Variants in REEP1 observed in about 807,000 individuals in gnomAD.
REEP1 encodes the protein receptor expression-enhancing protein 1.
REEP1 carries 22 observed loss-of-function variants against 40.3 expected under a neutral mutation model. The ratio of observed to expected loss-of-function variants is 0.55; its 90% confidence interval spans 0.39 to 0.78. The LOEUF (loss-of-function observed/expected upper bound fraction) is 0.78, where lower values mean the gene tolerates loss of function less well. REEP1 is among the 30% of genes least tolerant of loss of function. REEP1 has a pLI of 0.00. For missense variants in REEP1, 280 were observed against 361.1 expected (o/e 0.78, Z 1.82); for synonymous variants, 116 against 139.2 (o/e 0.83, Z 1.17).
intron 1 of REEP1, among the ~76,000 whole-genome samples, chr2:86,285,469 A>G (rs1678337257): frequency 1.3e-5 from 2 of 152,222 alleles, no homozygotes; most frequent in Non-Finnish European, 2.9e-5. Context: ...CTGTTCTACA[A>G]GCTGTACTCA....
intron 2 of REEP1, among the ~76,000 whole-genome samples, chr2:86,273,023 C>T (rs531811562): frequency 2.0e-5 from 3 of 151,992 alleles, no homozygotes; most frequent in Non-Finnish European, 4.4e-5. Context: ...ACCAGGGTGG[C>T]TAAGGCAGAA....
intron 1 of REEP1, among the ~76,000 whole-genome samples, chr2:86,315,849 C>T (rs952957218): frequency 6.6e-5 from 10 of 152,154 alleles, no homozygotes; most frequent in Non-Finnish European, 1.2e-4. Context: ...ATGCCCATGC[C>T]ATAGGGAGTG....
At chr2:86,259,365 G>A (rs1348357528) in intron 3 of REEP1, among the ~76,000 whole-genome samples, 2 of 151,632 alleles carry the variant, frequency 1.3e-5, no homozygotes, top group Admixed American at 6.6e-5. Context: ...TTTTCCTTAT[G>A]TATGTATTAT....
intron 2 of REEP1, among the ~76,000 whole-genome samples, chr2:86,267,017 A>G (rs1677184368): frequency 6.6e-6 from 1 of 150,832 alleles, no homozygotes. Context: ...AGGGGAAAAA[A>G]AAAACAAAAA....
intron 2 of REEP1, among the ~76,000 whole-genome samples, chr2:86,271,074 C>A (rs1677418404): frequency 6.6e-6 from 1 of 151,778 alleles, no homozygotes; most frequent in African/African-American, 2.4e-5. Flanking sequence ...TGCCTGTAGT[C>A]CCAGTTACTT....
Position 86,216,964 on chromosome 2 carries a change from CTA to C in REEP1, c.*73_*74del. On this transcript the variant is annotated 3_prime_UTR_variant, in exon 9 of 9. Coordinates refer to ENST00000538924, the MANE Select transcript of REEP1 (RefSeq NM_001371279.1). ...CAAAGCACACCCAGCTTGCGGATTT[CTA>C]TGTTATTAGTGAATAGCTCTTTAAG... 1 of 1,333,750 alleles carries C rather than the reference CTA, an allele frequency of 7.5e-7. No homozygotes were observed. The highest frequency in any genetic ancestry group is 1.1e-6 in the Non-Finnish European group (1 of 930,536). 82.6% of individuals were successfully genotyped at this position (1,333,750 alleles called of 1,614,324 possible).
intron 7 of REEP1, among the ~76,000 whole-genome samples, chr2:86,222,100 A>G (rs1453185226): frequency 6.6e-6 from 1 of 152,218 alleles, no homozygotes; most frequent in Non-Finnish European, 1.5e-5. Flanking sequence ...TCAGGCATCT[A>G]ACAACCCAGG....
chr2:86,298,834 C>G (rs1305767521), intron 1 of REEP1, among the ~76,000 whole-genome samples: 1 of 152,206 alleles, frequency 6.6e-6, no homozygotes, highest in African/African-American at 2.4e-5. Context: ...TGCTGTATCC[C>G]TTTGTCACCA....
At chr2:86,227,808 A>C (rs1292706161) in intron 6 of REEP1, among the ~76,000 whole-genome samples, 1 of 152,132 alleles carries the variant, frequency 6.6e-6, no homozygotes, top group Non-Finnish European at 1.5e-5. Context: ...GCATTTGCAA[A>C]GGCCTAACTG....
chr2:86,335,765 C>G (rs1053517500), intron 1 of REEP1, among the ~76,000 whole-genome samples: 1 of 150,062 alleles, frequency 6.7e-6, no homozygotes, highest in African/African-American at 2.5e-5. Flanking sequence ...AGGAGAATCG[C>G]TTGAACCCAG....
chr2:86,282,895 C>A (rs1678175249), intron 1 of REEP1, among the ~76,000 whole-genome samples: 1 of 152,152 alleles, frequency 6.6e-6, no homozygotes, highest in Non-Finnish European at 1.5e-5. Context: ...CTCAGCCCTG[C>A]CTCTCAGGAC....
At chr2:86,264,093 T>G (rs1558898750) in intron 2 of REEP1, 52 bp from the exon 3 acceptor site, 1 of 1,387,240 alleles carries the variant, frequency 7.2e-7, no homozygotes, top group East Asian at 2.3e-5. Flanking sequence ...GGAAAAACAC[T>G]GCCCAACACC....
rs184735886 is a variant in REEP1 at position 86,282,451 on chromosome 2, C to T, written c.33-209G>A. The stretch of plus-strand genomic sequence containing the variant: ...ATCTTCTGTTAAAGCCCACACCCAC[C>T]TCCCTTCAACCTGTGGTCTGGCAAC... On this transcript the variant is annotated intron_variant, in intron 1 of 8. Coordinates refer to ENST00000538924, the MANE Select transcript of REEP1 (RefSeq NM_001371279.1). Among the ~76,000 whole-genome samples, 6 of 152,204 alleles carry T rather than the reference C, an allele frequency of 3.9e-5. No individual in the cohort carries two copies. In the East Asian group the frequency reaches 1.2e-3, roughly 29 times the overall value.
intron 1 of REEP1, among the ~76,000 whole-genome samples, chr2:86,333,052 C>G (rs1354411059): frequency 6.6e-6 from 1 of 152,190 alleles, no homozygotes; most frequent in Admixed American, 6.5e-5. Flanking sequence ...TCTTTCCTTT[C>G]ACAATTCAAC....
At chr2:86,240,504 G>A (rs972434475) in intron 5 of REEP1, among the ~76,000 whole-genome samples, 2 of 152,212 alleles carry the variant, frequency 1.3e-5, no homozygotes, top group African/African-American at 2.4e-5. Flanking sequence ...GGGAAGGCAC[G>A]TGCTGGCGGG....
intron 1 of REEP1, among the ~76,000 whole-genome samples, chr2:86,326,758 C>T (rs920819663): frequency 1.3e-5 from 2 of 152,072 alleles, no homozygotes; most frequent in Non-Finnish European, 2.9e-5. Context: ...TAGGGTTGGA[C>T]AGTTTTAGGG....
chr2:86,295,050 A>G (rs1678912445), intron 1 of REEP1, among the ~76,000 whole-genome samples: 1 of 152,256 alleles, frequency 6.6e-6, no homozygotes, highest in Admixed American at 6.5e-5. Flanking sequence ...AAAAAAAAGA[A>G]AAGAAAAGAA....
At chr2:86,234,454 C>A (rs968024056) in intron 5 of REEP1, among the ~76,000 whole-genome samples, 14 of 152,058 alleles carry the variant, frequency 9.2e-5, no homozygotes, top group Non-Finnish European at 1.9e-4. Context: ...AGAGGTAGAG[C>A]CTGCAGTGAG....
chr2:86,315,249 G>A (rs1679939444), intron 1 of REEP1, among the ~76,000 whole-genome samples: 1 of 152,138 alleles, frequency 6.6e-6, no homozygotes, highest in South Asian at 2.1e-4. Context: ...CGTAGCCAAG[G>A]TCACTCAGCT....
Sources: gnomAD v4.1 joint callset for allele counts (sites outside exome capture counted in the v4.1 genomes callset) on GRCh38, gnomAD v4.1.1 for gene constraint, MANE v1.5 for transcripts, NCBI Gene and HGNC (gene_info 2026-07-23, HGNC 2026-07-21) for gene names.